The following PCBP2 variants were observed in gnomAD, a reference collection of about 807,000 sequenced individuals.
The protein encoded by PCBP2 is poly(rC) binding protein 2.
PCBP2 carries 4 observed loss-of-function variants against 50.1 expected under a neutral mutation model. The observed-to-expected ratio is 0.08, with a 90% CI of 0.04 to 0.18. PCBP2 has a LOEUF of 0.18. PCBP2 is among the 10% of genes least tolerant of loss of function. The probability of loss-of-function intolerance (pLI) is 1.00; values close to 1 mark genes in which losing one functional copy is unlikely to be tolerated. For missense variants in PCBP2, 161 were observed against 474.3 expected (o/e 0.34, Z 6.14); for synonymous variants, 179 against 168.0 (o/e 1.07, Z -0.51).
intron 13 of PCBP2, among the ~76,000 whole-genome samples, chr12:53,470,664 A>C (rs1273502968): frequency 6.6e-6 from 1 of 151,774 alleles, no homozygotes; most frequent in African/African-American, 2.4e-5. Context: ...GGCATGAGCC[A>C]CGGTCCCCCA....
At chr12:53,476,842 C>T (rs1490737175) in intron 14 of PCBP2, among the ~76,000 whole-genome samples, 1 of 152,098 alleles carries the variant, frequency 6.6e-6, no homozygotes, top group Non-Finnish European at 1.5e-5. Flanking sequence ...CAGCTCTCTC[C>T]CTTGGTAAGC....
chr12:53,477,631 A>G (rs191369821), intron 14 of PCBP2, among the ~76,000 whole-genome samples: 1 of 124,406 alleles, frequency 8.0e-6, no homozygotes, highest in South Asian at 2.8e-4. Flanking sequence ...GCGCCACTGT[A>G]CTCCAGCCTG....
rs1161169599 is a variant in PCBP2, at chr12:53,464,854, TGA to T, written c.672+6_672+7del. On this transcript the variant is annotated splice_donor_region_variant and intron_variant, in intron 9 of 14. Coordinates refer to ENST00000546463, the MANE Select transcript of PCBP2 (RefSeq NM_031989.5). ...GACCTGGAGGGACCACCTCTAGAGG[TGA>T]GAGGGGATGTTCAGTCTCCAAGGCT... 1 of 1,597,918 alleles carries T rather than the reference TGA, an allele frequency of 6.3e-7. No individual in the cohort carries two copies. Among genetic ancestry groups the T allele is most frequent in the Non-Finnish European group, 8.5e-7 (1 of 1,174,668 alleles).
intron 13 of PCBP2, among the ~76,000 whole-genome samples, chr12:53,471,279 T>G (rs1942215140): frequency 6.6e-6 from 1 of 151,058 alleles, no homozygotes; most frequent in African/African-American, 2.4e-5. Flanking sequence ...ACCCTCGGTT[T>G]TTTTTTTTTT....
chr12:53,477,682 A>AAAAAAAAAC (rs1565876251), intron 14 of PCBP2, among the ~76,000 whole-genome samples: 1 of 150,394 alleles, frequency 6.6e-6, no homozygotes, highest in African/African-American at 2.4e-5. Context: ...AAAAAAAAAA[A>AAAAAAAAAC]AAAAAAAAAA....
Position 53,464,426 on chromosome 12 carries a change from A to G in PCBP2, c.580-334A>G, listed in dbSNP as rs553581067. 1.4e-4 allele frequency: 37 copies of G among 260,550 alleles called. No homozygotes were observed. The East Asian group carries it at 1.9e-3, about 13-fold the overall frequency. 16.1% of individuals were successfully genotyped at this position (260,550 alleles called of 1,614,324 possible). Reference sequence around the variant, plus strand: ...TCCCACAGGCCTTTTTAAATATACAATGTCCACAGATGGACCTGTGTCTTT... The same window carrying G: ...TCCCACAGGCCTTTTTAAATATACAGTGTCCACAGATGGACCTGTGTCTTT... On this transcript the variant is annotated intron_variant, in intron 8 of 14. Transcript: ENST00000546463.
At chr12:53,464,953 T>A in intron 9 of PCBP2, 101 bp downstream of exon 9, 1 of 1,391,806 alleles carries the variant, frequency 7.2e-7, no homozygotes, top group Non-Finnish European at 9.4e-7. Flanking sequence ...TTTTTGGTGC[T>A]GTGGACACCA....
In PCBP2 at chr12:53,463,921, C is replaced by A. The variant is rs531739305; in HGVS notation, c.580-839C>A. The stretch of plus-strand genomic sequence containing the variant: ...TGTGTTGAATTGGCATAAAAATGAA[C>A]AAGTTTTTAGAGGTTTAGTTTGTCG... On this transcript the variant is annotated intron_variant, in intron 8 of 14. Transcript: ENST00000546463. Among the ~76,000 whole-genome samples the A allele has an allele frequency of 3.3e-5, 5 of 152,274 alleles. 1 individual carries two copies. In the South Asian group the frequency reaches 8.3e-4, roughly 25 times the overall value.
intron 12 of PCBP2, chr12:53,468,441 G>T: frequency 3.2e-6 from 1 of 316,700 alleles, no homozygotes; most frequent in South Asian, 4.3e-5. Flanking sequence ...CAACAGGAAA[G>T]GGGTAGAAGT....
intron 5 of PCBP2, among the ~76,000 whole-genome samples, chr12:53,457,500 C>A (rs1941118415): frequency 6.6e-6 from 1 of 151,992 alleles, no homozygotes. Flanking sequence ...CTTGAACCAC[C>A]ATGTCTGGCT....
At chr12:53,472,327 G>A (rs1942298653) in intron 14 of PCBP2, among the ~76,000 whole-genome samples, 1 of 152,216 alleles carries the variant, frequency 6.6e-6, no homozygotes, top group Non-Finnish European at 1.5e-5. Context: ...AATGTGGGAA[G>A]CACAGGTATT....
intron 7 of PCBP2, 31 bp from the exon 8 acceptor site, chr12:53,462,459 CTTT>C: frequency 6.3e-7 from 1 of 1,582,964 alleles, no homozygotes; most frequent in Non-Finnish European, 8.6e-7. Flanking sequence ...AACCTTATCT[CTTT>C]TTGTTTTTTT....
Position 53,455,642 on chromosome 12 carries a change from G to C in PCBP2, c.126+149G>C, listed in dbSNP as rs190363396. 2,804 of 859,386 alleles carry C rather than the reference G, an allele frequency of 3.3e-3. 47 individuals are homozygous for C. In the African/African-American group the frequency reaches 0.043, roughly 13 times the overall value. The allele number at this position is 859,386 out of a possible 1,614,324, so 53.2% of individuals were successfully genotyped here. On this transcript the variant is annotated intron_variant, in intron 4 of 14. Coordinates refer to ENST00000546463, the MANE Select transcript of PCBP2 (RefSeq NM_031989.5). The stretch of plus-strand genomic sequence containing the variant: ...GTTATTTGTAGTGATAATCTGGGGA[G>C]TGTATTTTTTTTTTCCCCTTTTTGG...
rs756399960 is a variant in PCBP2, at chr12:53,467,855, A to G, written c.826+12A>G. ...GAAAGGCTATTGGGGTAATGATTAA[A>G]AAAAAAAAAATCTGTAGTATTCTAC... On this transcript the variant is annotated intron_variant, in intron 12 of 14. Transcript: ENST00000546463. 3 of 1,587,914 alleles carry G rather than the reference A, an allele frequency of 1.9e-6. No individual in the cohort carries two copies. Among genetic ancestry groups the G allele is most frequent in the Non-Finnish European group, 8.6e-7 (1 of 1,157,812 alleles).
At chr12:53,478,223 T>C (rs565872143) in intron 14 of PCBP2, among the ~76,000 whole-genome samples, 2 of 152,300 alleles carry the variant, frequency 1.3e-5, no homozygotes, top group African/African-American at 4.8e-5. Flanking sequence ...TAAAGAACTT[T>C]TTAAGGCCGG....
intron 14 of PCBP2, among the ~76,000 whole-genome samples, chr12:53,477,673 A>AC (rs1942702119): frequency 7.4e-6 from 1 of 134,506 alleles, no homozygotes; most frequent in Non-Finnish European, 1.5e-5. Context: ...CTCAAAAAAA[A>AC]AAAAAAAAAA....
Position 53,461,151 on chromosome 12 carries a change from C to T in PCBP2, c.504+8C>T, listed in dbSNP as rs771157284. 6 of 1,613,602 alleles carry T rather than the reference C, an allele frequency of 3.7e-6. No individual in the cohort carries two copies. Among genetic ancestry groups the T allele is most frequent in the South Asian group, 2.2e-5 (2 of 91,052 alleles). ...TGCGTGGTCATGTTGGAGGTAAGCC[C>T]TCAGGCTCATGCTGAAAATGGGGGG... On this transcript the variant is annotated splice_region_variant and intron_variant, in intron 7 of 14. Transcript: ENST00000546463.
At chr12:53,469,239 C>G (rs76528185) in intron 13 of PCBP2, among the ~76,000 whole-genome samples, 12 of 152,094 alleles carry the variant, frequency 7.9e-5, no homozygotes, top group African/African-American at 2.9e-4. Flanking sequence ...GGGAAAGAAA[C>G]TGGGAATTTT....
At position 53,460,677 on chromosome 12, in the gene PCBP2, A is replaced by G. The variant is rs569297139; in HGVS notation, c.376-338A>G. 2.9e-5 allele frequency: 7 copies of G among 242,412 alleles called. No individual in the cohort carries two copies. The East Asian group carries it at 6.8e-4, about 24-fold the overall frequency. The allele number at this position is 242,412 out of a possible 1,614,324, so 15.0% of individuals were successfully genotyped here. On this transcript the variant is annotated intron_variant, in intron 6 of 14. Coordinates refer to ENST00000546463, the MANE Select transcript of PCBP2 (RefSeq NM_031989.5). ...TTGATGTAAATATTTTTTCAGTAAC[A>G]TAATGAAAGGTGGGTGATACTTGTG...
Sources: gnomAD v4.1 joint callset for allele counts (sites outside exome capture counted in the v4.1 genomes callset) on GRCh38, gnomAD v4.1.1 for gene constraint, MANE v1.5 for transcripts, NCBI Gene and HGNC (gene_info 2026-07-23, HGNC 2026-07-21) for gene names.